MALRD1: variants seen among roughly 807,000 people sequenced by gnomAD.
The protein encoded by MALRD1 is MAM and LDL receptor class A domain containing 1, also known as MAM and LDL-receptor class A domain-containing protein 1.
Under a neutral mutation model 242.1 loss-of-function variants are expected in MALRD1, and 247 were observed. The observed-to-expected ratio is 1.02, with a 90% CI of 0.92 to 1.13. MALRD1 has a LOEUF of 1.13. MALRD1 is among the 50% of genes most tolerant of loss of function. The pLI is 0.00. For missense variants in MALRD1, 2,989 were observed against 2,533.1 expected (o/e 1.18, Z -3.86); for synonymous variants, 995 against 866.6 (o/e 1.15, Z -2.60).
intron 18 of MALRD1, among the ~76,000 whole-genome samples, chr10:19,251,612 A>G (rs1306880211): frequency 6.6e-6 from 1 of 152,012 alleles, no homozygotes; most frequent in Non-Finnish European, 1.5e-5. Flanking sequence ...TTTACTCATT[A>G]GCTTCCAAGT....
intron 28 of MALRD1, among the ~76,000 whole-genome samples, chr10:19,391,868 T>G (rs61850945): frequency 0.089 from 13,598 of 152,262 alleles, 803 homozygotes; most frequent in East Asian, 0.17. Flanking sequence ...GAAAAGGGAC[T>G]GCTGGATGAA....
chr10:19,468,523 T>C (rs1055820228), intron 29 of MALRD1, among the ~76,000 whole-genome samples: 1 of 152,092 alleles, frequency 6.6e-6, no homozygotes, highest in African/African-American at 2.4e-5. Context: ...TTTTCATGAG[T>C]TGAGTCACTG....
Position 19,531,174 on chromosome 10 carries a change from T to A in MALRD1, c.5321-20T>A, listed in dbSNP as rs1321130296. ...GATATTATCATTACACTGAAAAAAATTTTGTTAATCTATTTCAAGGTAGTG... is the reference window on the plus strand; with the variant it reads ...GATATTATCATTACACTGAAAAAAAATTTGTTAATCTATTTCAAGGTAGTG... On this transcript the variant is annotated intron_variant, in intron 31 of 39. Coordinates refer to ENST00000454679, the MANE Select transcript of MALRD1 (RefSeq NM_001142308.3). 5.2e-6 allele frequency: 8 copies of A among 1,532,502 alleles called. No homozygotes were observed. The highest frequency in any genetic ancestry group is 7.0e-6 in the Non-Finnish European group (8 of 1,135,462). 94.9% of individuals were successfully genotyped at this position (1,532,502 alleles called of 1,614,324 possible). A position where few individuals can be genotyped will look rare whatever the true frequency, so the allele number is the denominator to read the frequency against.
At chr10:19,222,006 C>T (rs1374712937) in intron 18 of MALRD1, among the ~76,000 whole-genome samples, 1 of 152,088 alleles carries the variant, frequency 6.6e-6, no homozygotes, top group East Asian at 1.9e-4. Context: ...AACATAAATG[C>T]TTTCAATTCA....
chr10:19,597,533 A>T (rs1414975350), intron 34 of MALRD1, among the ~76,000 whole-genome samples: 3 of 152,210 alleles, frequency 2.0e-5, no homozygotes, highest in African/African-American at 7.2e-5. Context: ...ACAGACTTTG[A>T]GGGCTTTCCT....
At chr10:19,241,644 G>C (rs891977841) in intron 18 of MALRD1, among the ~76,000 whole-genome samples, 1 of 151,870 alleles carries the variant, frequency 6.6e-6, no homozygotes, top group South Asian at 2.1e-4. Context: ...GTATAATTTT[G>C]CTTTGTGATT....
At chr10:19,677,093 C>T (rs1003843013) in intron 36 of MALRD1, among the ~76,000 whole-genome samples, 5 of 151,946 alleles carry the variant, frequency 3.3e-5, no homozygotes, top group African/African-American at 1.2e-4. Context: ...GACTCCATAT[C>T]TTTGCTATTG....
intron 18 of MALRD1, among the ~76,000 whole-genome samples, chr10:19,240,343 A>G (rs891191817): frequency 5.3e-5 from 8 of 152,078 alleles, no homozygotes; most frequent in African/African-American, 1.9e-4. Flanking sequence ...GTATACTACA[A>G]CTTTACTGAA....
At chr10:19,675,691 ATGT>A (rs1223725740) in intron 36 of MALRD1, among the ~76,000 whole-genome samples, 3 of 152,264 alleles carry the variant, frequency 2.0e-5, no homozygotes, top group Admixed American at 2.0e-4. Flanking sequence ...TAACCGTAAC[ATGT>A]TGTCCAAATG....
At position 19,430,111 on chromosome 10, in the gene MALRD1, C is replaced by CTTTTTTTTTTTT. The variant is rs1156254998; in HGVS notation, c.4846-20186_4846-20175dup. Among the ~76,000 whole-genome samples the CTTTTTTTTTTTT allele has an allele frequency of 2.8e-3, 236 of 83,498 alleles. 13 individuals carry two copies. The highest frequency in any genetic ancestry group is 0.017 in the Middle Eastern group (1 of 58). The allele number at this position is 83,498 out of a possible 152,430, so 54.8% of individuals were successfully genotyped here. ...CTTTGCTTGGAATTTCTCCATTTTC[C>CTTTTTTTTTTTT]TTTTTTTTTTTTTTTTTTTTTGAGA... is the stretch of plus-strand genomic sequence containing the variant. On this transcript the variant is annotated intron_variant, in intron 28 of 39. Coordinates refer to ENST00000454679, the MANE Select transcript of MALRD1 (RefSeq NM_001142308.3).
rs146728761 is a variant in MALRD1 at position 19,475,588 on chromosome 10, A to G, written c.5030-15929A>G. On this transcript the variant is annotated intron_variant, in intron 29 of 39. Coordinates refer to ENST00000454679, the MANE Select transcript of MALRD1 (RefSeq NM_001142308.3). ...AAGGCATGATTGAAATACTATGTCAAAAATATAGTAGAGATTAAATTGTTA... is the reference window on the plus strand; with the variant it reads ...AAGGCATGATTGAAATACTATGTCAGAAATATAGTAGAGATTAAATTGTTA... Among the ~76,000 whole-genome samples, 386 of 152,318 alleles carry G rather than the reference A, an allele frequency of 2.5e-3. 8 individuals are homozygous for G. In the East Asian group the frequency reaches 0.052, roughly 20 times the overall value.
intron 29 of MALRD1, among the ~76,000 whole-genome samples, chr10:19,458,072 G>A (rs888629932): frequency 2.6e-5 from 4 of 151,988 alleles, no homozygotes; most frequent in Non-Finnish European, 5.9e-5. Context: ...TTTATACACT[G>A]CAATGCACCT....
chr10:19,240,520 A>T (rs1441490269), intron 18 of MALRD1, among the ~76,000 whole-genome samples: 1 of 152,082 alleles, frequency 6.6e-6, no homozygotes, highest in African/African-American at 2.4e-5. Context: ...AAACAGAAAC[A>T]ATCTGACCTC....
At position 19,186,548 on chromosome 10, in the gene MALRD1, G is replaced by A. The variant is rs551153592; in HGVS notation, c.1951+11220G>A. ...AGTGAAAATACGTGATTCTTCTTCCGCCGTTGAAAATTCTATTGAGAATAA... is the reference window on the plus strand; with the variant it reads ...AGTGAAAATACGTGATTCTTCTTCCACCGTTGAAAATTCTATTGAGAATAA... On this transcript the variant is annotated intron_variant, in intron 14 of 39. Coordinates refer to ENST00000454679, the MANE Select transcript of MALRD1 (RefSeq NM_001142308.3). Among the ~76,000 whole-genome samples, 4 of 152,204 alleles carry A rather than the reference G, an allele frequency of 2.6e-5. No individual in the cohort carries two copies. The South Asian group carries it at 6.2e-4, about 24-fold the overall frequency.
At chr10:19,622,170 G>GA (rs58917224) in intron 36 of MALRD1, among the ~76,000 whole-genome samples, 8,200 of 147,882 alleles carry the variant, frequency 0.055, 484 homozygotes, top group African/African-American at 0.15. Flanking sequence ...TCACCAATAA[G>GA]AAAAAAAAAT....
chr10:19,530,393 TATA>T (rs1834322318), intron 31 of MALRD1, among the ~76,000 whole-genome samples: 1 of 50,460 alleles, frequency 2.0e-5, no homozygotes, highest in Admixed American at 3.1e-4. Flanking sequence ...TATATATTTA[TATA>T]AATATTATAT....
chr10:19,394,024 T>C (rs7917396), intron 28 of MALRD1, among the ~76,000 whole-genome samples: 10,732 of 152,246 alleles, frequency 0.07, 417 homozygotes, highest in Middle Eastern at 0.16. Flanking sequence ...GATTACTGCA[T>C]GCTTTAGGGA....
intron 31 of MALRD1, among the ~76,000 whole-genome samples, chr10:19,523,974 A>G (rs1263493013): frequency 6.6e-6 from 1 of 152,256 alleles, no homozygotes; most frequent in East Asian, 1.9e-4. Flanking sequence ...TTATTGGAAC[A>G]AAATATAATT....
intron 21 of MALRD1, among the ~76,000 whole-genome samples, chr10:19,299,070 GA>G (rs550558310): frequency 7.4e-4 from 112 of 151,734 alleles, no homozygotes; most frequent in Middle Eastern, 3.4e-3. Flanking sequence ...CAACCGGAAG[GA>G]AAACAATCCT....
Sources: gnomAD v4.1 joint callset for allele counts (sites outside exome capture counted in the v4.1 genomes callset) on GRCh38, gnomAD v4.1.1 for gene constraint, MANE v1.5 for transcripts, NCBI Gene and HGNC (gene_info 2026-07-23, HGNC 2026-07-21) for gene names.